The following UGGT2 variants were observed in gnomAD, a reference collection of about 807,000 sequenced individuals.
UGGT2 encodes UDP-glucose:glycoprotein glucosyltransferase 2.
UGGT2 carries 180 observed loss-of-function variants against 192.1 expected under a neutral mutation model. The ratio of observed to expected loss-of-function variants is 0.94; its 90% confidence interval spans 0.83 to 1.06. The LOEUF is 1.06. UGGT2 is among the 50% of genes least tolerant of loss of function. The probability of loss-of-function intolerance (pLI) is 0.00; values close to 1 mark genes in which losing one functional copy is unlikely to be tolerated. For missense variants in UGGT2, 1,849 were observed against 1,795.7 expected (o/e 1.03, Z -0.54); for synonymous variants, 580 against 591.0 (o/e 0.98, Z 0.27).
At chr13:96,018,792 C>G (rs1027490353) in intron 4 of UGGT2, among the ~76,000 whole-genome samples, 22 of 142,962 alleles carry the variant, frequency 1.5e-4, no homozygotes, top group African/African-American at 5.4e-4. Context: ...CAACCACAGA[C>G]AGAAGAAAAT....
intron 1 of UGGT2, among the ~76,000 whole-genome samples, chr13:96,051,896 T>C (rs1187561003): frequency 1.3e-5 from 2 of 152,174 alleles, no homozygotes; most frequent in Non-Finnish European, 2.9e-5. Context: ...TAAACTAGTA[T>C]AACCACTATG....
Position 95,937,108 on chromosome 13 carries a change from CAG to C in UGGT2, c.1813-22_1813-21del, listed in dbSNP as rs749261438. The C allele has an allele frequency of 1.6e-5, 25 of 1,570,928 alleles. No individual in the cohort carries two copies. The highest frequency in any genetic ancestry group is 1.7e-4 in the Middle Eastern group (1 of 5,964). On this transcript the variant is annotated intron_variant, in intron 16 of 38. Transcript: ENST00000376747. ...TCCAGCCTATTCAGTTAAAAAATATCAGAGTGTTAAACAAAATATGATTGTTT... is the reference window on the plus strand; with the variant it reads ...TCCAGCCTATTCAGTTAAAAAATATCAGTGTTAAACAAAATATGATTGTTT...
At chr13:95,876,545 A>T (rs1335937426) in intron 29 of UGGT2, among the ~76,000 whole-genome samples, 1 of 152,150 alleles carries the variant, frequency 6.6e-6, no homozygotes, top group Admixed American at 6.5e-5. Flanking sequence ...TTTGGGTTTT[A>T]CTGGGGTGAG....
At chr13:95,948,559 A>G (rs2049957676) in intron 13 of UGGT2, among the ~76,000 whole-genome samples, 1 of 152,204 alleles carries the variant, frequency 6.6e-6, no homozygotes, top group African/African-American at 2.4e-5. Flanking sequence ...TATTTTCTCC[A>G]ACTTTCAAAG....
At chr13:95,866,032 CGTGT>C (rs140750488) in intron 30 of UGGT2, among the ~76,000 whole-genome samples, 11 of 150,112 alleles carry the variant, frequency 7.3e-5, no homozygotes, top group African/African-American at 2.7e-4. Flanking sequence ...TTCACACTAG[CGTGT>C]GTGTGTGTGT....
chr13:95,933,509 T>C (rs1342037912), intron 17 of UGGT2, among the ~76,000 whole-genome samples: 1 of 152,148 alleles, frequency 6.6e-6, no homozygotes, highest in Admixed American at 6.5e-5. Flanking sequence ...GAGCTAACTT[T>C]TGGTTTCACT....
intron 36 of UGGT2, among the ~76,000 whole-genome samples, chr13:95,848,548 A>C (rs1014219702): frequency 2.0e-5 from 3 of 152,134 alleles, no homozygotes; most frequent in African/African-American, 7.2e-5. Flanking sequence ...TGAAAATACT[A>C]TCTCTGCTCT....
intron 5 of UGGT2, among the ~76,000 whole-genome samples, chr13:96,001,253 T>C (rs2051792667): frequency 6.6e-6 from 1 of 152,122 alleles, no homozygotes; most frequent in Non-Finnish European, 1.5e-5. Context: ...GAAGTGAAAA[T>C]GGCCGGTCCT....
At chr13:96,021,443 A>T (rs1444906334) in intron 4 of UGGT2, among the ~76,000 whole-genome samples, 1 of 152,238 alleles carries the variant, frequency 6.6e-6, no homozygotes, top group African/African-American at 2.4e-5. Context: ...ATAATGCCAT[A>T]AAGGAATAGA....
chr13:95,845,037 A>T (rs965960989), intron 36 of UGGT2, among the ~76,000 whole-genome samples: 1 of 152,298 alleles, frequency 6.6e-6, no homozygotes. Flanking sequence ...TTTGCATATA[A>T]TTAGCTGATC....
At chr13:96,009,785 C>T (rs1199747658) in intron 5 of UGGT2, among the ~76,000 whole-genome samples, 5 of 151,910 alleles carry the variant, frequency 3.3e-5, no homozygotes, top group Non-Finnish European at 7.4e-5. Flanking sequence ...TCCAGCCTGG[C>T]GATAGAGCAA....
At chr13:96,050,861 G>C (rs2053464197) in intron 1 of UGGT2, among the ~76,000 whole-genome samples, 1 of 152,194 alleles carries the variant, frequency 6.6e-6, no homozygotes, top group African/African-American at 2.4e-5. Flanking sequence ...TGGAGAAATA[G>C]GGACACTTTT....
chr13:96,006,254 G>T (rs1482341302), intron 5 of UGGT2, among the ~76,000 whole-genome samples: 1 of 152,178 alleles, frequency 6.6e-6, no homozygotes, highest in Non-Finnish European at 1.5e-5. Context: ...AAATGGCAAT[G>T]ATAGAAATTA....
At chr13:95,981,629 G>C (rs76841255) in intron 10 of UGGT2, among the ~76,000 whole-genome samples, 7,597 of 152,226 alleles carry the variant, frequency 0.05, 213 homozygotes, top group Non-Finnish European at 0.066. Context: ...AAGAAAAAAA[G>C]ACCATTATTA....
intron 20 of UGGT2, among the ~76,000 whole-genome samples, chr13:95,922,665 T>C (rs7331926): frequency 0.36 from 55,161 of 151,136 alleles, 10,362 homozygotes; most frequent in Middle Eastern, 0.42. Flanking sequence ...TACAAAAAAA[T>C]ACAAAAATTT....
At chr13:95,852,917 T>C (rs777869379) in intron 36 of UGGT2, among the ~76,000 whole-genome samples, 3 of 152,088 alleles carry the variant, frequency 2.0e-5, no homozygotes, top group Admixed American at 6.5e-5. Context: ...GAGGGTGATA[T>C]GGTTTGGCTG....
At chr13:95,980,942 G>A (rs1391275043) in intron 10 of UGGT2, among the ~76,000 whole-genome samples, 1 of 152,192 alleles carries the variant, frequency 6.6e-6, no homozygotes. Context: ...AGGCTGCAGT[G>A]AGCCAAGATC....
At chr13:95,885,733 T>C (rs984277483) in intron 26 of UGGT2, among the ~76,000 whole-genome samples, 1 of 152,120 alleles carries the variant, frequency 6.6e-6, no homozygotes, top group Admixed American at 6.5e-5. Flanking sequence ...ATGAAGTAAA[T>C]GTTCAAAACA....
chr13:95,927,850 C>T (rs7336373), intron 17 of UGGT2, among the ~76,000 whole-genome samples: 1 of 151,772 alleles, frequency 6.6e-6, no homozygotes, highest in African/African-American at 2.4e-5. Flanking sequence ...ACTTGAGATT[C>T]GGGAGTGGTG....
Sources: allele counts gnomAD v4.1 joint callset (sites outside exome capture counted in the v4.1 genomes callset), GRCh38; gene constraint gnomAD v4.1.1; transcripts MANE v1.5; gene names NCBI Gene and HGNC (gene_info 2026-07-23, HGNC 2026-07-21).